Variants in GOLGA6C observed in about 807,000 individuals in gnomAD.
The protein encoded by GOLGA6C is golgin subfamily A member 6C.
In GOLGA6C, 3 loss-of-function variants were observed where a neutral mutation model predicts 57.5. That is an observed-to-expected ratio of 0.05 (90% confidence interval 0.02 to 0.13). The LOEUF (loss-of-function observed/expected upper bound fraction) is 0.13, where lower values mean the gene tolerates loss of function less well. Ranked by LOEUF, GOLGA6C falls within the 10% of genes least tolerant of loss-of-function variation. The pLI, the probability that GOLGA6C is intolerant of heterozygous loss-of-function variation, is 1.00. For synonymous variants in GOLGA6C, 32 were observed against 203.8 expected (o/e 0.16, Z 7.18); for missense variants, 88 against 525.6 (o/e 0.17, Z 8.14).
rs565264021 is a variant in GOLGA6C, at chr15:75,258,909, A to G, written c.84+227A>G. Among the ~76,000 whole-genome samples the G allele has an allele frequency of 3.0e-4, 45 of 149,728 alleles. No homozygotes were observed. The East Asian group carries it at 8.6e-3, about 28-fold the overall frequency. On this transcript the variant is annotated intron_variant, in intron 1 of 17. Coordinates refer to ENST00000300576, the MANE Select transcript of GOLGA6C (RefSeq NM_001164404.2). ...ATCACCCTGCGGTGACTTTGGGCGGATGACTACTGGGGATACCTGCTCCAT... is the reference window on the plus strand; with the variant it reads ...ATCACCCTGCGGTGACTTTGGGCGGGTGACTACTGGGGATACCTGCTCCAT...
In GOLGA6C at chr15:75,258,508, C is replaced by T; in HGVS notation, c.-91C>T. On this transcript the variant is annotated 5_prime_UTR_variant, in exon 1 of 18. Transcript: ENST00000300576. ...CAATGGGATTGGAGCATTAAGGCCA[C>T]ACCCCTATTCTGCATTCTAGTGTGG... 2.9e-6 allele frequency: 1 copy of T among 340,120 alleles called. No homozygotes were observed. The highest frequency in any genetic ancestry group is 5.4e-5 in the Admixed American group (1 of 18,454). The allele number at this position is 340,120 out of a possible 1,614,324, so 21.1% of individuals were successfully genotyped here.
chr15:75,259,194 G>A (rs1406757607), intron 1 of GOLGA6C, among the ~76,000 whole-genome samples: 2 of 151,388 alleles, frequency 1.3e-5, no homozygotes, highest in Non-Finnish European at 2.9e-5. Context: ...CTCCCCCATC[G>A]TGGATCGGCA....
intron 14 of GOLGA6C, among the ~76,000 whole-genome samples, chr15:75,269,108 A>G (rs1785482467): frequency 7.4e-6 from 1 of 135,700 alleles, no homozygotes; most frequent in Non-Finnish European, 1.6e-5. Flanking sequence ...TGTTCTGTCT[A>G]TGCCCCTACA....
Position 75,260,447 on chromosome 15 carries a change from T to C in GOLGA6C, c.159T>C (p.Ser53=), listed in dbSNP as rs2070730379. The C allele has an allele frequency of 6.4e-7, 1 of 1,550,632 alleles. No individual in the cohort carries two copies. The highest frequency in any genetic ancestry group is 1.7e-5 in the Admixed American group (1 of 58,328). ...GAKTKKKKTD[S]SPETTTSGGG... is the part of the protein sequence containing the mutation. ...AGACAAAAAAGAAAAAAACTGACAG[T>C]AGCCCTGAGACAACCACTTCCGGTG... The change falls in exon 2 of 18, where the codon AGT becomes AGC. Residue 53 remains serine (S), a synonymous_variant. Transcript: ENST00000300576.
intron 1 of GOLGA6C, 125 bp from the exon 2 acceptor site, chr15:75,260,248 C>T: frequency 1.6e-6 from 1 of 619,212 alleles, no homozygotes. Flanking sequence ...TGTGACAACA[C>T]CTTGTACAGT....
chr15:75,258,957 C>A (rs2070721183), intron 1 of GOLGA6C, among the ~76,000 whole-genome samples: 1 of 149,074 alleles, frequency 6.7e-6, no homozygotes, highest in Non-Finnish European at 1.5e-5. Context: ...CGTCCTGCCA[C>A]CCCAAGCCCA....
rs1249068421 is a variant in GOLGA6C, at chr15:75,269,968, C to T, written c.1937C>T (p.Ala646Val). The T allele has an allele frequency of 6.4e-7, 1 of 1,550,710 alleles. No homozygotes were observed. The change falls in exon 17 of 18, where the codon GCT becomes GTT. Residue 646 changes from alanine to valine, a missense_variant. By Grantham distance (64) the Ala-to-Val change is moderately conservative. Transcript: ENST00000300576. ...PGAPAPQELG[A>V]AGEQDDFYEV... is the part of the protein sequence containing the mutation. Reference sequence around the variant, plus strand: ...GCCCCAGCCCCCCAGGAACTTGGGGCTGCCGGTGAGCAGGATGGTGAGTAG... The same window carrying T: ...GCCCCAGCCCCCCAGGAACTTGGGGTTGCCGGTGAGCAGGATGGTGAGTAG...
chr15:75,268,723 G>GT, intron 13 of GOLGA6C, 74 bp from the exon 14 acceptor site: 1 of 332,814 alleles, frequency 3.0e-6, no homozygotes, highest in Non-Finnish European at 5.6e-6. Flanking sequence ...CACAGTCAGG[G>GT]TGGGGACAGA....
chr15:75,273,074 G>C lies in GOLGA6C; in HGVS notation c.*2875G>C. Among the ~76,000 whole-genome samples, 1 of 152,042 alleles carries C rather than the reference G, an allele frequency of 6.6e-6. No individual in the cohort carries two copies. On this transcript the variant is annotated 3_prime_UTR_variant, in exon 18 of 18. Coordinates refer to ENST00000300576, the MANE Select transcript of GOLGA6C (RefSeq NM_001164404.2). ...GTTCTAAAACCAAAGCTGATATTTAGAAAATGTGAAAATATAAATCAGCCC... is the reference window on the plus strand; with the variant it reads ...GTTCTAAAACCAAAGCTGATATTTACAAAATGTGAAAATATAAATCAGCCC...
Position 75,270,323 on chromosome 15 carries a change from A to T in GOLGA6C, c.*124A>T, listed in dbSNP as rs573040461. On this transcript the variant is annotated 3_prime_UTR_variant, in exon 18 of 18. Transcript: ENST00000300576. ...GAAATTTAAAACAACAACAACAAAA[A>T]GTTACGGGGTTCATCTCCTACACAA... 6.8e-7 allele frequency: 1 copy of T among 1,474,068 alleles called. No individual in the cohort carries two copies. The highest frequency in any genetic ancestry group is 9.0e-7 in the Non-Finnish European group (1 of 1,105,930). 91.3% of individuals were successfully genotyped at this position (1,474,068 alleles called of 1,614,324 possible).
rs567493522 is a variant in GOLGA6C, at chr15:75,273,022, G to A, written c.*2823G>A. Among the ~76,000 whole-genome samples the A allele has an allele frequency of 1.3e-5, 2 of 152,040 alleles. No homozygotes were observed. Among genetic ancestry groups the A allele is most frequent in the African/African-American group, 2.4e-5 (1 of 41,330 alleles). ...TTTTAAAGTATTTGTTTAACCTGAT[G>A]GGTTTTCCAGAAATGAAAACAAGTC... On this transcript the variant is annotated 3_prime_UTR_variant, in exon 18 of 18. Transcript: ENST00000300576.
At chr15:75,260,600 C>T (rs2070731593) in intron 2 of GOLGA6C, 108 bp downstream of exon 2, 2 of 847,692 alleles carry the variant, frequency 2.4e-6, no homozygotes, top group East Asian at 2.7e-5. Context: ...TTGAATCCTG[C>T]TTCTTCATCT....
At chr15:75,269,077 T>G (rs1480127047) in intron 14 of GOLGA6C, among the ~76,000 whole-genome samples, 189 bp downstream of exon 14, 85 of 121,664 alleles carry the variant, frequency 7.0e-4, no homozygotes, top group African/African-American at 2.0e-3. Context: ...AAGGGGTTGT[T>G]CTCCACCTCC....
chr15:75,273,420 T>G lies in GOLGA6C; in HGVS notation c.*3221T>G, dbSNP rs1334909140. Among the ~76,000 whole-genome samples the G allele has an allele frequency of 2.6e-5, 4 of 152,128 alleles. No homozygotes were observed. The highest frequency in any genetic ancestry group is 4.1e-4 in the South Asian group (2 of 4,836). On this transcript the variant is annotated 3_prime_UTR_variant, in exon 18 of 18. Transcript: ENST00000300576. ...TTGTTGACTGCTACTGTGATGCTAC[T>G]GTAATGTAATAAATTATTAAATTGT...
At position 75,264,005 on chromosome 15, in the gene GOLGA6C, GCAATACTCCTTA is replaced by G; in HGVS notation, c.489_500del (p.Tyr164_Gln167del). On this transcript the variant is annotated inframe_deletion, in exon 7 of 18. Transcript: ENST00000300576. ...AGTCCAAGGATCTGGCTGGCCGCCT[GCAATACTCCTTA>G]CAGCGTATTCAAGAATTGGAGCGGG... The G allele has an allele frequency of 6.3e-7, 1 of 1,591,220 alleles. No individual in the cohort carries two copies. Among genetic ancestry groups the G allele is most frequent in the East Asian group, 2.3e-5 (1 of 44,328 alleles).
chr15:75,270,070 A>G lies in GOLGA6C; in HGVS notation c.1955-2A>G. The G allele has an allele frequency of 6.2e-7, 1 of 1,604,172 alleles. No homozygotes were observed. Among genetic ancestry groups the G allele is most frequent in the Non-Finnish European group, 8.5e-7 (1 of 1,176,768 alleles). ...CAGACCCCCGCCTCCCTCTCTCCGA[A>G]GATTTTTATGAAGTGAGCCTGGACA... On this transcript the variant is annotated splice_acceptor_variant, in intron 17 of 17. Transcript: ENST00000300576. LOFTEE classifies it high-confidence loss of function.
chr15:75,270,187 G>A lies in GOLGA6C; in HGVS notation c.2070G>A (p.Met690Ile). The change falls in exon 18 of 18, where the codon ATG becomes ATA. Residue 690 changes from methionine (M) to isoleucine (I), a missense_variant. Physicochemically the swap from Met to Ile is conservative, Grantham distance 10. Transcript: ENST00000300576. ...AGATCGTGCAGCTGTCTCCTGTCAT[G>A]CAGGACACCTAGGAGCACCCAGGCT... ...VQQIVQLSPV[M>I]QDT is the part of the protein sequence containing the mutation. The A allele has an allele frequency of 6.3e-7, 1 of 1,592,948 alleles. No individual in the cohort carries two copies. Among genetic ancestry groups the A allele is most frequent in the Non-Finnish European group, 8.5e-7 (1 of 1,174,598 alleles).
intron 1 of GOLGA6C, 89 bp downstream of exon 1, chr15:75,258,771 C>A: frequency 1.6e-6 from 1 of 629,278 alleles, no homozygotes; most frequent in East Asian, 2.8e-5. Flanking sequence ...CATACCACTC[C>A]TGAGGCACAC....
intron 14 of GOLGA6C, among the ~76,000 whole-genome samples, chr15:75,269,103 T>C (rs1403007260): frequency 7.4e-6 from 1 of 134,554 alleles, no homozygotes; most frequent in Non-Finnish European, 1.6e-5. Flanking sequence ...TCATTTGTTC[T>C]GTCTATGCCC....
Sources: gnomAD v4.1 joint callset for allele counts (sites outside exome capture counted in the v4.1 genomes callset) on GRCh38, gnomAD v4.1.1 for gene constraint, MANE v1.5 for transcripts, NCBI Gene and HGNC (gene_info 2026-07-23, HGNC 2026-07-21) for gene names.